The following CDC37L1 variants were observed in gnomAD, a reference collection of about 807,000 sequenced individuals.
CDC37L1 encodes hsp90 co-chaperone Cdc37-like 1.
Under a neutral mutation model 45.9 loss-of-function variants are expected in CDC37L1, and 32 were observed. The observed-to-expected ratio is 0.70, with a 90% confidence interval of 0.53 to 0.94. The LOEUF is 0.94. Ranked by LOEUF, CDC37L1 falls within the 40% of genes least tolerant of loss-of-function variation. The pLI, the probability that CDC37L1 is intolerant of heterozygous loss-of-function variation, is 0.00. For missense variants in CDC37L1, 434 were observed against 405.7 expected (o/e 1.07, Z -0.60); for synonymous variants, 150 against 133.0 (o/e 1.13, Z -0.88).
chr9:4,706,051 G>A lies in CDC37L1; in HGVS notation c.953G>A (p.Cys318Tyr). The change falls in exon 7 of 7, where the codon TGC becomes TAC. Residue 318 changes from cysteine to tyrosine, a missense_variant. Transcript: ENST00000381854. ...YLQYSISTALCSLNSVVHKED... is the reference protein window; with the variant it reads ...YLQYSISTALYSLNSVVHKED... ...CAGTATTCTATCAGTACAGCTCTCT[G>A]CAGCTTAAACTCGGTGGTACATAAA... 6.2e-7 allele frequency: 1 copy of A among 1,605,060 alleles called. No individual in the cohort carries two copies. Among genetic ancestry groups the A allele is most frequent in the Non-Finnish European group, 8.5e-7 (1 of 1,172,002 alleles).
In CDC37L1 at chr9:4,707,127, A is replaced by G. The variant is rs1203249834; in HGVS notation, c.*1015A>G. 6.6e-6 allele frequency: 1 copy of G among 151,884 alleles called. No individual in the cohort carries two copies. Among genetic ancestry groups the G allele is most frequent in the Non-Finnish European group, 1.5e-5 (1 of 67,968 alleles). The allele number at this position is 151,884 out of a possible 1,614,324, so 9.4% of individuals were successfully genotyped here. A position where few individuals can be genotyped will look rare whatever the true frequency, so the allele number is the denominator to read the frequency against. On this transcript the variant is annotated 3_prime_UTR_variant, in exon 7 of 7. Coordinates refer to ENST00000381854, the MANE Select transcript of CDC37L1 (RefSeq NM_017913.4). The stretch of plus-strand genomic sequence containing the variant: ...ATTACCTATTTCTGAGAATTTGGTG[A>G]CTCTTATTGGTAATGATGGCATTTA...
At chr9:4,687,625 G>C (rs917837705) in intron 2 of CDC37L1, among the ~76,000 whole-genome samples, 1 of 136,206 alleles carries the variant, frequency 7.3e-6, no homozygotes, top group Non-Finnish European at 1.5e-5. Flanking sequence ...GCTGCAGTGA[G>C]CTATGATTGT....
At position 4,696,736 on chromosome 9, in the gene CDC37L1, C is replaced by T. The variant is rs145138669; in HGVS notation, c.509-360C>T. Among the ~76,000 whole-genome samples, 268 of 152,266 alleles carry T rather than the reference C, an allele frequency of 1.8e-3. 2 individuals carry two copies. Among genetic ancestry groups the T allele is most frequent in the Middle Eastern group, 0.01 (3 of 294 alleles). ...AATTTTTAAAAGACTTTGTTTATAA[C>T]AGACATCATGAGTAAATGGCTTACA... On this transcript the variant is annotated intron_variant, in intron 3 of 6. Coordinates refer to ENST00000381854, the MANE Select transcript of CDC37L1 (RefSeq NM_017913.4).
At chr9:4,702,117 T>A in intron 6 of CDC37L1, 89 bp downstream of exon 6, 1 of 556,600 alleles carries the variant, frequency 1.8e-6, no homozygotes, top group East Asian at 3.3e-5. Flanking sequence ...TTTTTTAATA[T>A]GTGCTACTAT....
Position 4,697,175 on chromosome 9 carries a change from T to C in CDC37L1, c.588T>C (p.Tyr196=). 1 of 1,581,650 alleles carries C rather than the reference T, an allele frequency of 6.3e-7. No homozygotes were observed. The highest frequency in any genetic ancestry group is 8.7e-7 in the Non-Finnish European group (1 of 1,151,406). ...PYLVCEETAK[Y]LILWCFHLEA... The stretch of plus-strand genomic sequence containing the variant: ...TTGTATGTGAAGAAACTGCTAAATA[T>C]CTTATTTTATGGTGTTTTCACCTGG... Residue 196 remains tyrosine (Y), a synonymous_variant, in exon 4 of 7, where the codon TAT becomes TAC. Coordinates refer to ENST00000381854, the MANE Select transcript of CDC37L1 (RefSeq NM_017913.4).
At position 4,682,442 on chromosome 9, in the gene CDC37L1, C is replaced by G. The variant is rs552679529; in HGVS notation, c.133-2435C>G. Among the ~76,000 whole-genome samples, 60 of 151,596 alleles carry G rather than the reference C, an allele frequency of 4.0e-4. No homozygotes were observed. In the South Asian group the frequency reaches 0.012, roughly 30 times the overall value. On this transcript the variant is annotated intron_variant, in intron 1 of 6. Coordinates refer to ENST00000381854, the MANE Select transcript of CDC37L1 (RefSeq NM_017913.4). ...TTCTGGGTTCATGCCATTCTCCTGC[C>G]TTAGCCTCCCAAGTAGCTGGGACTA...
intron 6 of CDC37L1, among the ~76,000 whole-genome samples, chr9:4,704,436 A>T (rs534252744): frequency 1.3e-5 from 2 of 152,252 alleles, no homozygotes; most frequent in African/African-American, 2.4e-5. Context: ...TAGGTCGGGT[A>T]TACCGATTCC....
Position 4,689,583 on chromosome 9 carries a change from A to C in CDC37L1, c.508+977A>C, listed in dbSNP as rs375551134. Among the ~76,000 whole-genome samples, 47 of 152,306 alleles carry C rather than the reference A, an allele frequency of 3.1e-4. 1 individual carries two copies. In the East Asian group the frequency reaches 8.3e-3, roughly 27 times the overall value. On this transcript the variant is annotated intron_variant, in intron 3 of 6. Transcript: ENST00000381854. Reference sequence around the variant, plus strand: ...ACTTTTCATTTTAAAGAAAGAAAAAAGACTGTGTTTAACTAAAAAATAGTA... The same window carrying C: ...ACTTTTCATTTTAAAGAAAGAAAAACGACTGTGTTTAACTAAAAAATAGTA...
Position 4,707,853 on chromosome 9 carries a change from C to T in CDC37L1, c.*1741C>T, listed in dbSNP as rs1205864018. On this transcript the variant is annotated 3_prime_UTR_variant, in exon 7 of 7. Coordinates refer to ENST00000381854, the MANE Select transcript of CDC37L1 (RefSeq NM_017913.4). ...AAATGTTACTTGAATTATTATTTTC[C>T]CTTCTTTCCCAGGATTTGCCTGTAA... is the stretch of plus-strand genomic sequence containing the variant. The T allele has an allele frequency of 6.6e-6, 1 of 152,124 alleles. No individual in the cohort carries two copies. Among genetic ancestry groups the T allele is most frequent in the Non-Finnish European group, 1.5e-5 (1 of 68,032 alleles). 9.4% of individuals were successfully genotyped at this position (152,124 alleles called of 1,614,324 possible).
At position 4,697,185 on chromosome 9, in the gene CDC37L1, T is replaced by C; in HGVS notation, c.598T>C (p.Trp200Arg). 6.4e-7 allele frequency: 1 copy of C among 1,565,080 alleles called. No individual in the cohort carries two copies. Among genetic ancestry groups the C allele is most frequent in the Non-Finnish European group, 8.8e-7 (1 of 1,136,652 alleles). ...CEETAKYLILWCFHLEAEKKG... is the reference protein window; with the variant it reads ...CEETAKYLILRCFHLEAEKKG... ...AGAAACTGCTAAATATCTTATTTTA[T>C]GGTGTTTTCACCTGGAAGCTGAGAA... The change falls in exon 4 of 7, where the codon TGG becomes CGG. Residue 200 changes from tryptophan to arginine, a missense_variant. Coordinates refer to ENST00000381854, the MANE Select transcript of CDC37L1 (RefSeq NM_017913.4).
At chr9:4,680,725 C>T (rs754205920) in intron 1 of CDC37L1, among the ~76,000 whole-genome samples, 9 of 152,140 alleles carry the variant, frequency 5.9e-5, no homozygotes, top group Non-Finnish European at 1.0e-4. Context: ...AAGTATATTT[C>T]AGAATCACAG....
chr9:4,685,138 A>G lies in CDC37L1; in HGVS notation c.394A>G (p.Ser132Gly), dbSNP rs1841235216. 1 of 1,613,744 alleles carries G rather than the reference A, an allele frequency of 6.2e-7. No homozygotes were observed. Among genetic ancestry groups the G allele is most frequent in the Non-Finnish European group, 8.5e-7 (1 of 1,179,614 alleles). Residue 132 changes from serine (S) to glycine (G), a missense_variant, in exon 2 of 7, where the codon AGC (serine) becomes GGC (glycine). By Grantham distance (56) the Ser-to-Gly change is moderately conservative (BLOSUM62 0). Transcript: ENST00000381854. ...KMCLWSTDAI[S>G]KDVFNKSFIN... Reference sequence around the variant, plus strand: ...GTGTCTGTGGAGCACGGATGCCATTAGCAAGGATGTTTTTAATAAGGTATG... The same window carrying G: ...GTGTCTGTGGAGCACGGATGCCATTGGCAAGGATGTTTTTAATAAGGTATG...
At chr9:4,686,169 A>T (rs549122265) in intron 2 of CDC37L1, among the ~76,000 whole-genome samples, 36 of 152,190 alleles carry the variant, frequency 2.4e-4, no homozygotes, top group African/African-American at 8.7e-4. Context: ...ACACATCTCA[A>T]ACTTCTTAAT....
At chr9:4,696,919 C>T (rs2295970) in intron 3 of CDC37L1, among the ~76,000 whole-genome samples, 177 bp from the exon 4 acceptor site, 70,365 of 151,708 alleles carry the variant, frequency 0.46, 18,367 homozygotes, top group African/African-American at 0.7. Flanking sequence ...TTAAAGAGTA[C>T]TGTCCCTCAC....
In CDC37L1 at chr9:4,702,014, G is replaced by T; in HGVS notation, c.898G>T (p.Glu300Ter). 1 of 1,439,890 alleles carries T rather than the reference G, an allele frequency of 6.9e-7. No homozygotes were observed. Among genetic ancestry groups the T allele is most frequent in the South Asian group, 1.5e-5 (1 of 64,556 alleles). The allele number at this position is 1,439,890 out of a possible 1,614,324, so 89.2% of individuals were successfully genotyped here. The change falls in exon 6 of 7, where the codon GAA (glutamate) becomes TAA (stop). Residue 300 changes from glutamate to a stop codon, truncating the protein, a stop_gained. Transcript: ENST00000381854. LOFTEE classifies it high-confidence loss of function. ...TGGTGTTGGATCTATAGGTTTATTA[G>T]AATCCTTACCACAGGTAAGTTGGAA... ...HSGVGSIGLLESLPQNPDYLQ... is the reference protein window; with the variant it reads ...HSGVGSIGLL
chr9:4,698,156 T>G (rs1481017753), intron 5 of CDC37L1, among the ~76,000 whole-genome samples: 1 of 152,154 alleles, frequency 6.6e-6, no homozygotes, highest in Non-Finnish European at 1.5e-5. Context: ...ATTCATTCAG[T>G]AAATACTGAG....
intron 3 of CDC37L1, among the ~76,000 whole-genome samples, chr9:4,689,902 C>T (rs1841285729): frequency 6.6e-6 from 1 of 152,218 alleles, no homozygotes; most frequent in Non-Finnish European, 1.5e-5. Context: ...TCTGGTGAAA[C>T]AACATTCCTC....
Position 4,707,423 on chromosome 9 carries a change from G to C in CDC37L1, c.*1311G>C, listed in dbSNP as rs183603164. On this transcript the variant is annotated 3_prime_UTR_variant, in exon 7 of 7. Coordinates refer to ENST00000381854, the MANE Select transcript of CDC37L1 (RefSeq NM_017913.4). ...TTGGAAGGTGGCTAACTGGGACTGG[G>C]AATACGTGTCTCAACTTGAGAAACC... 6.6e-6 allele frequency: 1 copy of C among 152,208 alleles called. No homozygotes were observed. Among genetic ancestry groups the C allele is most frequent in the East Asian group, 1.9e-4 (1 of 5,206 alleles). 9.4% of individuals were successfully genotyped at this position (152,208 alleles called of 1,614,324 possible). A position where few individuals can be genotyped will look rare whatever the true frequency, so the allele number is the denominator to read the frequency against.
At chr9:4,681,423 T>G (rs1841192569) in intron 1 of CDC37L1, among the ~76,000 whole-genome samples, 1 of 152,160 alleles carries the variant, frequency 6.6e-6, no homozygotes, top group Non-Finnish European at 1.5e-5. Context: ...TCCCACCTAC[T>G]GCACTGCCCA....
Sources: allele counts gnomAD v4.1 joint callset (sites outside exome capture counted in the v4.1 genomes callset), GRCh38; gene constraint gnomAD v4.1.1; transcripts MANE v1.5; gene names NCBI Gene and HGNC (gene_info 2026-07-23, HGNC 2026-07-21).